The following ACMSD variants were observed in gnomAD, a reference collection of about 807,000 sequenced individuals.
The protein encoded by ACMSD is 2-amino-3-carboxymuconate-6-semialdehyde decarboxylase.
A neutral mutation model predicts 45.9 loss-of-function variants in ACMSD; 37 were observed. The ratio of observed to expected loss-of-function variants is 0.81; its 90% CI spans 0.62 to 1.06. ACMSD has a LOEUF of 1.06. ACMSD is among the 50% of genes least tolerant of loss of function. The probability of loss-of-function intolerance (pLI) is 0.00; values close to 1 mark genes in which losing one functional copy is unlikely to be tolerated. For synonymous variants in ACMSD, 138 were observed against 148.8 expected (o/e 0.93, Z 0.53); for missense variants, 434 against 420.9 (o/e 1.03, Z -0.27).
intron 8 of ACMSD, among the ~76,000 whole-genome samples, chr2:134,895,351 CAT>C (rs1559071416): frequency 5.7e-5 from 3 of 52,282 alleles, no homozygotes; most frequent in Admixed American, 2.4e-4. Flanking sequence ...ATATATATAA[CAT>C]ATATAATATA....
chr2:134,840,274 G>A (rs763298201), intron 1 of ACMSD, among the ~76,000 whole-genome samples: 16 of 147,614 alleles, frequency 1.1e-4, no homozygotes, highest in African/African-American at 3.2e-4. Context: ...AAACCACCAC[G>A]GTGGTCTCTA....
intron 1 of ACMSD, among the ~76,000 whole-genome samples, chr2:134,843,440 A>T (rs1481772672): frequency 6.6e-6 from 1 of 152,212 alleles, no homozygotes; most frequent in African/African-American, 2.4e-5. Flanking sequence ...CCAAACCTTA[A>T]GAAGCTGTTG....
chr2:134,839,220 T>C (rs1025655579), intron 1 of ACMSD, among the ~76,000 whole-genome samples: 14 of 152,208 alleles, frequency 9.2e-5, no homozygotes, highest in Admixed American at 7.9e-4. Context: ...TTTAGTCTAT[T>C]TTAGGACACT....
chr2:134,846,511 C>T (rs1687057874), intron 2 of ACMSD, among the ~76,000 whole-genome samples: 1 of 152,136 alleles, frequency 6.6e-6, no homozygotes, highest in Admixed American at 6.5e-5. Flanking sequence ...TTAAGTGATC[C>T]TCCCACCTCA....
chr2:134,893,423 A>G (rs1689911844), intron 8 of ACMSD, among the ~76,000 whole-genome samples: 1 of 152,054 alleles, frequency 6.6e-6, no homozygotes, highest in Non-Finnish European at 1.5e-5. Context: ...CCTGAGCTCA[A>G]GTGATCCTCC....
At position 134,857,639 on chromosome 2, in the gene ACMSD, C is replaced by T. The variant is rs574886572; in HGVS notation, c.103-1622C>T. Among the ~76,000 whole-genome samples the T allele has an allele frequency of 3.9e-5, 6 of 152,016 alleles. No individual in the cohort carries two copies. In the East Asian group the frequency reaches 9.7e-4, roughly 25 times the overall value. ...TTGTCTGCAAACAAAAACAATTTAACTTCTTTCATTCTGATTTAGGTGACT... is the reference window on the plus strand; with the variant it reads ...TTGTCTGCAAACAAAAACAATTTAATTTCTTTCATTCTGATTTAGGTGACT... On this transcript the variant is annotated intron_variant, in intron 2 of 9. Coordinates refer to ENST00000356140, the MANE Select transcript of ACMSD (RefSeq NM_138326.3).
At position 134,859,297 on chromosome 2, in the gene ACMSD, A is replaced by C. The variant is rs750385746; in HGVS notation, c.139A>C (p.Arg47=). 1 of 1,614,146 alleles carries C rather than the reference A, an allele frequency of 6.2e-7. No individual in the cohort carries two copies. Among genetic ancestry groups the C allele is most frequent in the Admixed American group, 1.7e-5 (1 of 60,016 alleles). The change falls in exon 3 of 10, where the codon AGA becomes CGA. Residue 47 remains arginine (R), a synonymous_variant. Transcript: ENST00000356140. ...AKLLKDGKVF[R]VVRENCWDPE... is the part of the protein sequence containing the mutation. ...GTTGTTGAAAGATGGGAAAGTCTTC[A>C]GAGTGGTGCGAGAGAATTGCTGGGA... is the stretch of plus-strand genomic sequence containing the variant.
intron 4 of ACMSD, chr2:134,862,903 C>T: frequency 1.1e-6 from 1 of 941,140 alleles, no homozygotes; most frequent in Non-Finnish European, 1.3e-6. Context: ...CAAGGACAGC[C>T]CTGAATGTCA....
chr2:134,889,327 G>A (rs192965427), intron 8 of ACMSD, among the ~76,000 whole-genome samples: 40 of 152,222 alleles, frequency 2.6e-4, no homozygotes, highest in African/African-American at 8.2e-4. Context: ...CACTTACAGC[G>A]CCCAGATCTT....
chr2:134,846,498 G>A (rs984348662), intron 2 of ACMSD, among the ~76,000 whole-genome samples: 1 of 152,150 alleles, frequency 6.6e-6, no homozygotes, highest in Non-Finnish European at 1.5e-5. Flanking sequence ...CCAACTCTCA[G>A]GTTTAAGTGA....
intron 8 of ACMSD, among the ~76,000 whole-genome samples, chr2:134,895,687 C>G: frequency 6.6e-6 from 1 of 152,074 alleles, no homozygotes; most frequent in Non-Finnish European, 1.5e-5. Flanking sequence ...ATGGCAAAAC[C>G]CTGTCTCTAC....
intron 3 of ACMSD, 174 bp downstream of exon 3, chr2:134,859,531 G>C: frequency 1.8e-6 from 1 of 558,254 alleles, no homozygotes; most frequent in East Asian, 2.8e-5. Flanking sequence ...TGCTTTTAGA[G>C]TGTGGATTCA....
At chr2:134,842,276 GA>G (rs1013944785) in intron 1 of ACMSD, among the ~76,000 whole-genome samples, 2 of 152,142 alleles carry the variant, frequency 1.3e-5, no homozygotes, top group Non-Finnish European at 2.9e-5. Context: ...CAGACCTGGA[GA>G]AGAATAAAGT....
chr2:134,857,684 T>G (rs1482716883), intron 2 of ACMSD: 1 of 151,920 alleles, frequency 6.6e-6, no homozygotes, highest in Non-Finnish European at 1.5e-5. Flanking sequence ...TTTTCTTGCT[T>G]CATTGCTCTG....
chr2:134,858,356 T>C (rs1379418761), intron 2 of ACMSD, among the ~76,000 whole-genome samples: 2 of 152,164 alleles, frequency 1.3e-5, no homozygotes, highest in African/African-American at 4.8e-5. Context: ...AAATGGTGGT[T>C]ACCACAGGCT....
chr2:134,901,762 C>T, intron 9 of ACMSD, 36 bp from the exon 10 acceptor site: 1 of 1,534,856 alleles, frequency 6.5e-7, no homozygotes, highest in Non-Finnish European at 8.9e-7. Context: ...TAAAAAACAA[C>T]CAATAATGCT....
chr2:134,861,334 T>C (rs1573643389), intron 3 of ACMSD, among the ~76,000 whole-genome samples: 1 of 152,168 alleles, frequency 6.6e-6, no homozygotes, highest in South Asian at 2.1e-4. Flanking sequence ...GTAAACGAAG[T>C]GTGTGTGTCA....
intron 8 of ACMSD, among the ~76,000 whole-genome samples, chr2:134,887,486 C>G (rs1402938117): frequency 1.3e-5 from 2 of 152,174 alleles, no homozygotes; most frequent in African/African-American, 4.8e-5. Context: ...TCACTGCAAC[C>G]TGTGCCTCCC....
intron 2 of ACMSD, among the ~76,000 whole-genome samples, chr2:134,847,721 G>A (rs1172773987): frequency 6.6e-6 from 1 of 152,094 alleles, no homozygotes; most frequent in Non-Finnish European, 1.5e-5. Flanking sequence ...TTGGTTTTCT[G>A]TTCCTGTGTT....
Sources: allele counts gnomAD v4.1 joint callset (sites outside exome capture counted in the v4.1 genomes callset), GRCh38; gene constraint gnomAD v4.1.1; transcripts MANE v1.5; gene names NCBI Gene and HGNC (gene_info 2026-07-23, HGNC 2026-07-21).